ANGPT1: variants seen among roughly 807,000 people sequenced by gnomAD.
The protein encoded by ANGPT1 is angiopoietin 1, also known as angiopoietin-1.
Under a neutral mutation model 62.2 loss-of-function variants are expected in ANGPT1, and 17 were observed. The observed-to-expected ratio is 0.27, with a 90% CI of 0.19 to 0.41. The LOEUF is 0.41. Ranked by LOEUF, ANGPT1 falls within the 10% of genes least tolerant of loss-of-function variation. The pLI, the probability that ANGPT1 is intolerant of heterozygous loss-of-function variation, is 1.00. For missense variants in ANGPT1, 478 were observed against 594.9 expected (o/e 0.80, Z 2.04); for synonymous variants, 199 against 198.9 (o/e 1.00, Z 0.00).
In ANGPT1 at chr8:107,303,204, G is replaced by T. The variant is rs781732726; in HGVS notation, c.936+36C>A. 37 of 1,601,778 alleles carry T rather than the reference G, an allele frequency of 2.3e-5. No homozygotes were observed. In the Admixed American group the frequency reaches 4.2e-4, roughly 18 times the overall value. Reference sequence around the variant, plus strand: ...TTATCCAGCAATTCAACTGGGATCTGGCTTACATCTTGTAAACAAACACTT... The same window carrying T: ...TTATCCAGCAATTCAACTGGGATCTTGCTTACATCTTGTAAACAAACACTT... On this transcript the variant is annotated intron_variant, in intron 5 of 8. Coordinates refer to ENST00000517746, the MANE Select transcript of ANGPT1 (RefSeq NM_001146.5).
chr8:107,408,491 A>G (rs1044531756), intron 1 of ANGPT1, among the ~76,000 whole-genome samples: 1 of 137,126 alleles, frequency 7.3e-6, no homozygotes, highest in Non-Finnish European at 1.5e-5. Context: ...TCGTGCTGAA[A>G]GTAGAAAAAC....
At chr8:107,478,652 C>G (rs1225724338) in intron 1 of ANGPT1, among the ~76,000 whole-genome samples, 1 of 152,154 alleles carries the variant, frequency 6.6e-6, no homozygotes, top group Non-Finnish European at 1.5e-5. Flanking sequence ...TAAAACTCTT[C>G]AATTTTTCCA....
chr8:107,257,969 TTTC>T (rs1275804737), intron 8 of ANGPT1, among the ~76,000 whole-genome samples: 1 of 150,734 alleles, frequency 6.6e-6, no homozygotes, highest in African/African-American at 2.4e-5. Context: ...CTTTCTTTCC[TTTC>T]TTCTTTCTTT....
Position 107,336,273 on chromosome 8 carries a change from T to A in ANGPT1, c.454-2A>T, listed in dbSNP as rs1815557837. 1 of 1,585,966 alleles carries A rather than the reference T, an allele frequency of 6.3e-7. No individual in the cohort carries two copies. Among genetic ancestry groups the A allele is most frequent in the Non-Finnish European group, 8.5e-7 (1 of 1,171,626 alleles). On this transcript the variant is annotated splice_acceptor_variant, in intron 2 of 8. Coordinates refer to ENST00000517746, the MANE Select transcript of ANGPT1 (RefSeq NM_001146.5). LOFTEE classifies it high-confidence loss of function. ...AAGTCGAGAAGTTTGATTTAGTACC[T>A]TAAGATAAAAGATGAAAATATTTCA...
At chr8:107,457,210 G>A (rs6469115) in intron 1 of ANGPT1, among the ~76,000 whole-genome samples, 5,879 of 152,020 alleles carry the variant, frequency 0.039, 351 homozygotes, top group African/African-American at 0.13. Context: ...CTACATAGAG[G>A]TATATATGCA....
rs770123402 is a variant in ANGPT1 at position 107,346,993 on chromosome 8, G to A, written c.402C>T (p.Leu134=). The change falls in exon 2 of 9, where the codon CTC becomes CTT. Residue 134 remains leucine, a synonymous_variant. Transcript: ENST00000517746. ...TGGTCTGCTCTGCAGTCTGAGAGAG[G>A]AGGCTGGTTCCTATCTCCAGCATGG... is the stretch of plus-strand genomic sequence containing the variant. ...TATMLEIGTS[L]LSQTAEQTRK... 19 of 1,613,760 alleles carry A rather than the reference G, an allele frequency of 1.2e-5. 1 individual carries two copies. In the South Asian group the frequency reaches 1.2e-4, roughly 10 times the overall value.
chr8:107,385,181 G>A (rs1263660892), intron 1 of ANGPT1, among the ~76,000 whole-genome samples: 2 of 152,016 alleles, frequency 1.3e-5, no homozygotes, highest in Non-Finnish European at 2.9e-5. Flanking sequence ...GTCCTTGGTA[G>A]TTTGATAAGA....
At chr8:107,284,327 T>C (rs1225242708) in intron 7 of ANGPT1, 1 of 154,232 alleles carries the variant, frequency 6.5e-6, no homozygotes, top group African/African-American at 2.4e-5. Context: ...AATCTTTTTT[T>C]AGAATAAAGA....
intron 8 of ANGPT1, among the ~76,000 whole-genome samples, chr8:107,259,107 A>T (rs1813434997): frequency 1.3e-5 from 2 of 152,198 alleles, no homozygotes; most frequent in Admixed American, 1.3e-4. Context: ...GGGTTGAAAT[A>T]AAAGTAGTGC....
intron 6 of ANGPT1, 129 bp downstream of exon 6, chr8:107,293,807 A>C (rs1432860197): frequency 3.1e-6 from 2 of 649,868 alleles, no homozygotes; most frequent in Non-Finnish European, 5.2e-6. Context: ...AATGAAAATA[A>C]TACTAATGTA....
chr8:107,366,884 T>G (rs113854916), intron 1 of ANGPT1, among the ~76,000 whole-genome samples: 2 of 152,160 alleles, frequency 1.3e-5, no homozygotes, highest in Admixed American at 1.3e-4. Context: ...TCTGGCTCTG[T>G]CTCTCGGGCT....
chr8:107,376,323 A>G (rs1816529774), intron 1 of ANGPT1, among the ~76,000 whole-genome samples: 1 of 152,236 alleles, frequency 6.6e-6, no homozygotes, highest in South Asian at 2.1e-4. Flanking sequence ...CAAAATTTTA[A>G]GAAATAATTT....
At chr8:107,311,722 T>C (rs1273999440) in intron 4 of ANGPT1, among the ~76,000 whole-genome samples, 1 of 152,338 alleles carries the variant, frequency 6.6e-6, no homozygotes, top group East Asian at 1.9e-4. Flanking sequence ...ACGAATCTCA[T>C]GTGTATAACA....
chr8:107,336,490 C>G, intron 2 of ANGPT1: 1 of 530,984 alleles, frequency 1.9e-6, no homozygotes, highest in South Asian at 3.1e-5. Context: ...ATGGTGAAAC[C>G]CCGTCTCTAC....
intron 1 of ANGPT1, among the ~76,000 whole-genome samples, chr8:107,413,399 A>T (rs1810644132): frequency 6.6e-6 from 1 of 152,086 alleles, no homozygotes; most frequent in Non-Finnish European, 1.5e-5. Context: ...AAAATGGAAA[A>T]CAATAAAGCC....
intron 1 of ANGPT1, among the ~76,000 whole-genome samples, chr8:107,445,408 T>C (rs893505782): frequency 1.3e-5 from 2 of 152,222 alleles, no homozygotes; most frequent in Non-Finnish European, 2.9e-5. Context: ...CCTAGGTTCC[T>C]AGAATTCCTT....
At chr8:107,280,435 CG>C (rs1813977390) in intron 7 of ANGPT1, among the ~76,000 whole-genome samples, 1 of 151,928 alleles carries the variant, frequency 6.6e-6, no homozygotes. Flanking sequence ...CAACATTTCC[CG>C]GAAGTGGAAG....
intron 1 of ANGPT1, among the ~76,000 whole-genome samples, chr8:107,384,422 C>T (rs1214333794): frequency 6.6e-6 from 1 of 150,424 alleles, no homozygotes; most frequent in East Asian, 2.0e-4. Flanking sequence ...AAGGATATTA[C>T]ATGTATATGT....
chr8:107,292,945 C>A, intron 6 of ANGPT1, among the ~76,000 whole-genome samples: 1 of 152,130 alleles, frequency 6.6e-6, no homozygotes, highest in East Asian at 1.9e-4. Context: ...GAGGTTTCAG[C>A]TGCAAAAGAA....
Sources: allele counts gnomAD v4.1 joint callset (sites outside exome capture counted in the v4.1 genomes callset), GRCh38; gene constraint gnomAD v4.1.1; transcripts MANE v1.5; gene names NCBI Gene and HGNC (gene_info 2026-07-23, HGNC 2026-07-21).